PLEKHG4B: variants seen among roughly 807,000 people sequenced by gnomAD.
PLEKHG4B encodes the protein pleckstrin homology domain-containing family G member 4B.
A neutral mutation model predicts 121.3 loss-of-function variants in PLEKHG4B; 111 were observed. That is an observed-to-expected ratio of 0.92 (90% CI 0.78 to 1.07). The LOEUF (loss-of-function observed/expected upper bound fraction) is 1.07. PLEKHG4B is among the 50% of genes least tolerant of loss of function. PLEKHG4B has a pLI of 0.00. For synonymous variants in PLEKHG4B, 738 were observed against 725.0 expected (o/e 1.02, Z -0.29); for missense variants, 1,831 against 1,757.8 (o/e 1.04, Z -0.74).
At chr5:164,733 C>G (rs781556072) in intron 13 of PLEKHG4B, among the ~76,000 whole-genome samples, 138 of 105,562 alleles carry the variant, frequency 1.3e-3, no homozygotes, top group Middle Eastern at 7.4e-3. Flanking sequence ...CACTAATACT[C>G]TGACGGGGCG....
rs1735935555 is a variant in PLEKHG4B, at chr5:159,910, G to A, written c.2488-1873G>A. Among the ~76,000 whole-genome samples, 1 of 152,202 alleles carries A rather than the reference G, an allele frequency of 6.6e-6. No individual in the cohort carries two copies. The highest frequency in any genetic ancestry group is 2.4e-5 in the African/African-American group (1 of 41,526). ...CCCTGCCACTCCCGCTTCCTTCCCG[G>A]CCTCCAGGTTTGTGCCCTGGCTGCT... On this transcript the variant is annotated intron_variant, in intron 11 of 19. Coordinates refer to ENST00000637938, the MANE Select transcript of PLEKHG4B (RefSeq NM_052909.5). This position sits in a 1 kb window ranked among gnomAD's most constrained non-coding sequence, Gnocchi z 5.5.
In PLEKHG4B at chr5:172,889, C is replaced by T. The variant is rs1259834472; in HGVS notation, c.4051-8C>T. 3.7e-6 allele frequency: 6 copies of T among 1,613,996 alleles called. No homozygotes were observed. Among genetic ancestry groups the T allele is most frequent in the South Asian group, 1.1e-5 (1 of 91,078 alleles). ...TTGGATGAAATCCACCTGTGTGTTC[C>T]TCTGCAGGTGAATTTGAAGGAACAG... On this transcript the variant is annotated splice_polypyrimidine_tract_variant and splice_region_variant and intron_variant, in intron 16 of 19. Coordinates refer to ENST00000637938, the MANE Select transcript of PLEKHG4B (RefSeq NM_052909.5).
At chr5:167,740 C>T (rs1319955702) in intron 13 of PLEKHG4B, among the ~76,000 whole-genome samples, 1 of 152,240 alleles carries the variant, frequency 6.6e-6, no homozygotes, top group East Asian at 1.9e-4. Context: ...GGAGTGTGGG[C>T]CCTGCCCTCC....
At chr5:106,707 AGGT>A (rs1428439620) in intron 1 of PLEKHG4B, among the ~76,000 whole-genome samples, 1 of 152,200 alleles carries the variant, frequency 6.6e-6, no homozygotes, top group Non-Finnish European at 1.5e-5. Context: ...GAGCAGACGT[AGGT>A]GTTGACGTGA....
chr5:174,625 G>T (rs1038040189), intron 18 of PLEKHG4B, among the ~76,000 whole-genome samples: 26 of 152,168 alleles, frequency 1.7e-4, no homozygotes, highest in African/African-American at 6.3e-4. Flanking sequence ...AGGGCCATTT[G>T]TATAGGCACG....
chr5:115,109 G>A (rs940849685), intron 2 of PLEKHG4B, among the ~76,000 whole-genome samples: 2 of 152,190 alleles, frequency 1.3e-5, no homozygotes, highest in African/African-American at 4.8e-5. Flanking sequence ...TTCTTAAAAA[G>A]ACTTGAAAGT....
chr5:167,958 T>A (rs955396734), intron 13 of PLEKHG4B, among the ~76,000 whole-genome samples: 2 of 152,196 alleles, frequency 1.3e-5, no homozygotes, highest in Non-Finnish European at 2.9e-5. Flanking sequence ...GCCTCTATGA[T>A]CACAGCACTG....
rs763520268 is a variant in PLEKHG4B, at chr5:140,676, CTG to C, written c.1441_1442del (p.Val481ProfsTer110). 54 of 1,600,994 alleles carry C rather than the reference CTG, an allele frequency of 3.4e-5. No individual in the cohort carries two copies. The highest frequency in any genetic ancestry group is 5.4e-5 in the African/African-American group (4 of 74,416). On this transcript the variant is annotated frameshift_variant, in exon 3 of 20. Transcript: ENST00000637938. LOFTEE classifies it high-confidence loss of function. The part of the protein sequence containing the change: ...LGGQAVGTPN[C>X]VPVEGPGCTK... ...GAGGACAAGCTGTGGGGACCCCAAA[CTG>C]TGTCCCAGTAGAGGGTCCCGGCTGC... is the stretch of plus-strand genomic sequence containing the variant.
chr5:109,820 C>T (rs568050601), intron 1 of PLEKHG4B, among the ~76,000 whole-genome samples: 15 of 152,334 alleles, frequency 9.8e-5, no homozygotes, highest in African/African-American at 3.6e-4. Flanking sequence ...CAAAGCTCAG[C>T]GAAGTGCCAA....
At chr5:174,538 C>A (rs1265561986) in intron 18 of PLEKHG4B, among the ~76,000 whole-genome samples, 2 of 152,132 alleles carry the variant, frequency 1.3e-5, no homozygotes, top group African/African-American at 2.4e-5. Flanking sequence ...CACTTGAGCA[C>A]AAAGTCTGAG....
In PLEKHG4B at chr5:143,096, T is replaced by C; in HGVS notation, c.1527T>C (p.His509=). ...TCAGCACAGACGGCGGCAGCCTCCA[T>C]TGCCACAACCCCAGCGGGCCTTCCG... ...ACVSTDGGSL[H]CHNPSGPSDV... The change falls in exon 4 of 20, where the codon CAT becomes CAC. Residue 509 remains histidine, a synonymous_variant. Coordinates refer to ENST00000637938, the MANE Select transcript of PLEKHG4B (RefSeq NM_052909.5). 1 of 1,613,136 alleles carries C rather than the reference T, an allele frequency of 6.2e-7. No homozygotes were observed. The highest frequency in any genetic ancestry group is 2.2e-5 in the East Asian group (1 of 44,876).
chr5:123,407 A>G (rs900069036), intron 2 of PLEKHG4B, among the ~76,000 whole-genome samples: 2 of 152,200 alleles, frequency 1.3e-5, no homozygotes. Context: ...GTTAGGAAGT[A>G]TTCCCTCCTC....
rs1196258429 is a variant in PLEKHG4B at position 164,635 on chromosome 5, T to TTA, written c.3476+1087_3476+1088insTA. The stretch of plus-strand genomic sequence containing the variant: ...CAGTAATGCTGTGACGGAGCGGAGC[T>TTA]CACACTAATGCTCTGACGGGCGGAG... On this transcript the variant is annotated intron_variant, in intron 13 of 19. Coordinates refer to ENST00000637938, the MANE Select transcript of PLEKHG4B (RefSeq NM_052909.5). 4.7e-3 allele frequency among the ~76,000 whole-genome samples: 612 copies of TTA among 129,150 alleles called. 42 individuals are homozygous for TTA. The highest frequency in any genetic ancestry group is 7.8e-3 in the Non-Finnish European group (468 of 60,014). 84.7% of individuals were successfully genotyped at this position (129,150 alleles called of 152,430 possible). A position where few individuals can be genotyped will look rare whatever the true frequency, so the allele number is the denominator to read the frequency against.
At chr5:175,336 C>T (rs1188829033) in intron 18 of PLEKHG4B, among the ~76,000 whole-genome samples, 1 of 152,120 alleles carries the variant, frequency 6.6e-6, no homozygotes, top group East Asian at 1.9e-4. Flanking sequence ...GACTTCTTCA[C>T]TGAGGGTGAC....
chr5:107,290 A>C (rs1734004371), intron 1 of PLEKHG4B, among the ~76,000 whole-genome samples: 1 of 152,170 alleles, frequency 6.6e-6, no homozygotes, highest in Non-Finnish European at 1.5e-5. Flanking sequence ...TGGACCCCAG[A>C]GACCCCATGC....
rs1383625761 is a variant in PLEKHG4B, at chr5:140,527, G to A, written c.1288G>A (p.Gly430Arg). ...TPSRTGPGAA[G>R]RTLPRRSRSW... ...CAGCCGGACAGGTCCAGGAGCTGCA[G>A]GGCGGACTCTTCCCAGGAGATCTCG... is the stretch of plus-strand genomic sequence containing the variant. Residue 430 changes from glycine to arginine, a missense_variant, in exon 3 of 20, where the codon GGG becomes AGG. By Grantham distance (125) the Gly-to-Arg change is moderately radical (BLOSUM62 -2). Transcript: ENST00000637938. 3 of 1,599,192 alleles carry A rather than the reference G, an allele frequency of 1.9e-6. No homozygotes were observed. Among genetic ancestry groups the A allele is most frequent in the Admixed American group, 1.7e-5 (1 of 57,940 alleles).
At chr5:176,850 C>T (rs142147855) in intron 18 of PLEKHG4B, among the ~76,000 whole-genome samples, 51 of 152,308 alleles carry the variant, frequency 3.3e-4, no homozygotes, top group Admixed American at 4.6e-4. Context: ...GCACAGGGTA[C>T]GCACACAGGA....
At chr5:143,333 T>G in intron 4 of PLEKHG4B, 47 bp from the exon 5 acceptor site, 1 of 1,607,972 alleles carries the variant, frequency 6.2e-7, no homozygotes, top group Non-Finnish European at 8.5e-7. Flanking sequence ...GCTCACCACC[T>G]TGTAGGAGTG....
chr5:162,937 A>C lies in PLEKHG4B; in HGVS notation c.2865A>C (p.Glu955Asp), dbSNP rs1260891963. Reference sequence around the variant, plus strand: ...ACCCCCAGACCCGGCTCCGTCTGGAAGAGGCCCTTTCTGAGGCTGCCCCAG... The same window carrying C: ...ACCCCCAGACCCGGCTCCGTCTGGACGAGGCCCTTTCTGAGGCTGCCCCAG... The part of the protein sequence containing the change: ...LQYPQTRLRL[E>D]EALSEAAPDP... The change falls in exon 13 of 20, where the codon GAA (glutamate) becomes GAC (aspartate). Residue 955 changes from glutamate (E) to aspartate (D), a missense_variant. Coordinates refer to ENST00000637938, the MANE Select transcript of PLEKHG4B (RefSeq NM_052909.5). 6.4e-7 allele frequency: 1 copy of C among 1,555,406 alleles called. No individual in the cohort carries two copies. The highest frequency in any genetic ancestry group is 8.7e-7 in the Non-Finnish European group (1 of 1,151,132).
Sources: allele counts gnomAD v4.1 joint callset (sites outside exome capture counted in the v4.1 genomes callset), GRCh38; gene constraint gnomAD v4.1.1; non-coding constraint Gnocchi (gnomAD v3.1); transcripts MANE v1.5; gene names NCBI Gene and HGNC (gene_info 2026-07-23, HGNC 2026-07-21).